The following LRRC42 variants were observed in gnomAD, a reference collection of about 807,000 sequenced individuals.
LRRC42 encodes the protein leucine rich repeat containing 42.
A neutral mutation model predicts 44.3 loss-of-function variants in LRRC42; 43 were observed. The observed-to-expected ratio is 0.97, with a 90% CI of 0.76 to 1.25. The LOEUF (loss-of-function observed/expected upper bound fraction) is 1.25. Ranked by LOEUF, LRRC42 falls within the 50% of genes most tolerant of loss-of-function variation. The probability of loss-of-function intolerance (pLI) is 0.00; values close to 1 mark genes in which losing one functional copy is unlikely to be tolerated. For synonymous variants in LRRC42, 207 were observed against 195.2 expected, an observed-to-expected ratio of 1.06 and a Z score of -0.50; for missense variants, 540 against 509.1, an observed-to-expected ratio of 1.06 and a Z score of -0.58.
chr1:53,966,715 A>G (rs1428634029), intron 8 of LRRC42, among the ~76,000 whole-genome samples: 2 of 152,188 alleles, frequency 1.3e-5, no homozygotes, highest in Non-Finnish European at 2.9e-5. Flanking sequence ...CCATCAACAG[A>G]TAAATGGATA....
intron 5 of LRRC42, 60 bp from the exon 6 acceptor site, chr1:53,961,973 TG>T: frequency 1.6e-6 from 2 of 1,273,656 alleles, no homozygotes; most frequent in South Asian, 2.5e-5. Context: ...AGCTTATTTT[TG>T]GTTGTCATTT....
At chr1:53,951,218 A>G (rs1401588259) in intron 2 of LRRC42, among the ~76,000 whole-genome samples, 1 of 152,260 alleles carries the variant, frequency 6.6e-6, no homozygotes, top group African/African-American at 2.4e-5. Flanking sequence ...TTAAAAATTC[A>G]TAATTTTAAT....
chr1:53,957,754 A>C (rs1038334698), intron 3 of LRRC42, among the ~76,000 whole-genome samples: 2 of 152,226 alleles, frequency 1.3e-5, no homozygotes, highest in African/African-American at 4.8e-5. Context: ...GATGTTGAGC[A>C]TTAGATTAAA....
rs754246096 is a variant in LRRC42 at position 53,960,445 on chromosome 1, T to C, written c.695T>C (p.Leu232Pro). 8 of 1,612,818 alleles carry C rather than the reference T, an allele frequency of 5.0e-6. No individual in the cohort carries two copies. Among genetic ancestry groups the C allele is most frequent in the Non-Finnish European group, 5.9e-6 (7 of 1,179,022 alleles). Reference sequence around the variant, plus strand: ...CCAGTTCGAGTGATGAAAAGAGGCCTTGAGAATCTAACATTATTAGACTTA... The same window carrying C: ...CCAGTTCGAGTGATGAAAAGAGGCCCTGAGAATCTAACATTATTAGACTTA... ...TAPVRVMKRG[L>P]ENLTLLDLSC... Residue 232 changes from leucine (L) to proline (P), a missense_variant, in exon 5 of 9, where the codon CTT becomes CCT. Leu to Pro is a moderately conservative substitution (Grantham distance 98). Transcript: ENST00000371370.
chr1:53,952,218 C>T lies in LRRC42; in HGVS notation c.219C>T (p.Ile73=). 1 of 1,614,246 alleles carries T rather than the reference C, an allele frequency of 6.2e-7. No individual in the cohort carries two copies. Among genetic ancestry groups the T allele is most frequent in the African/African-American group, 1.3e-5 (1 of 75,072 alleles). The change falls in exon 3 of 9, where the codon ATC becomes ATT. Residue 73 remains isoleucine, a synonymous_variant. Coordinates refer to ENST00000371370, the MANE Select transcript of LRRC42 (RefSeq NM_001256409.2). ...GGAAAGAGAAGACTGATCATTTCAT[C>T]TTCACATACACCCGAGAGGGGAATC... The part of the protein sequence containing the change: ...TARKEKTDHF[I]FTYTREGNLR...
rs1479544720 is a variant in LRRC42, at chr1:53,952,308, C to T, written c.309C>T (p.His103=). ...VLGFISDNVD[H]IDSLIGFPEQ... ...GTTTCATCTCCGACAATGTGGATCA[C>T]ATTGATTCCCTTATTGGCTTTCCTG... Residue 103 remains histidine, a synonymous_variant, in exon 3 of 9, where the codon CAC becomes CAT. Transcript: ENST00000371370. The T allele has an allele frequency of 1.9e-6, 3 of 1,614,118 alleles. No homozygotes were observed. Among genetic ancestry groups the T allele is most frequent in the Non-Finnish European group, 2.5e-6 (3 of 1,180,044 alleles).
chr1:53,958,155 C>G lies in LRRC42; in HGVS notation c.480C>G (p.Leu160=), dbSNP rs200868851. The G allele has an allele frequency of 2.5e-6, 4 of 1,613,634 alleles. No individual in the cohort carries two copies. The highest frequency in any genetic ancestry group is 3.3e-5 in the Admixed American group (2 of 59,990). Residue 160 remains leucine, a synonymous_variant, in exon 4 of 9, where the codon CTC becomes CTG. Transcript: ENST00000371370. ...LCSLCLRNRY[L]VISEKLEEIK... ...TGCTCTCCACGCTCCGTAGGTATCTCGTGATTTCAGAAAAGCTTGAGGAGA... is the reference window on the plus strand; with the variant it reads ...TGCTCTCCACGCTCCGTAGGTATCTGGTGATTTCAGAAAAGCTTGAGGAGA...
At chr1:53,962,758 T>A (rs1232113461) in intron 7 of LRRC42, among the ~76,000 whole-genome samples, 2 of 152,198 alleles carry the variant, frequency 1.3e-5, no homozygotes, top group African/African-American at 4.8e-5. Flanking sequence ...GTAGTGTGTA[T>A]ATACAGGAGA....
Position 53,960,384 on chromosome 1 carries a change from T to C in LRRC42, c.634T>C (p.Cys212Arg). The C allele has an allele frequency of 1.2e-6, 2 of 1,613,828 alleles. No homozygotes were observed. The highest frequency in any genetic ancestry group is 1.3e-5 in the African/African-American group (1 of 75,016). Reference protein sequence around the residue: ...SVTQLHLKDNCLSDAGVRKMT... With the variant: ...SVTQLHLKDNRLSDAGVRKMT... ...AACTCAGCTCCACCTGAAGGATAAT[T>C]GTTTATCTGATGCTGGGGTGCGGAA... The change falls in exon 5 of 9, where the codon TGT (cysteine) becomes CGT (arginine). Residue 212 changes from cysteine to arginine, a missense_variant. By Grantham distance (180) the Cys-to-Arg change is radical. Coordinates refer to ENST00000371370, the MANE Select transcript of LRRC42 (RefSeq NM_001256409.2).
chr1:53,967,803 C>T lies in LRRC42; in HGVS notation c.1151C>T (p.Ser384Leu). The T allele has an allele frequency of 1.9e-6, 3 of 1,614,174 alleles. No homozygotes were observed. The highest frequency in any genetic ancestry group is 1.7e-6 in the Non-Finnish European group (2 of 1,180,020). Residue 384 changes from serine to leucine, a missense_variant, in exon 9 of 9, where the codon TCA (serine) becomes TTA (leucine). By Grantham distance (145) the Ser-to-Leu change is moderately radical. Coordinates refer to ENST00000371370, the MANE Select transcript of LRRC42 (RefSeq NM_001256409.2). ...HGPVLKHEAI[S>L]SQESKKSKKR... is the part of the protein sequence containing the mutation. ...CCAGTGTTGAAACACGAAGCTATCTCAAGCCAGGAGTCAAAGAAGAGCAAG... is the reference window on the plus strand; with the variant it reads ...CCAGTGTTGAAACACGAAGCTATCTTAAGCCAGGAGTCAAAGAAGAGCAAG...
intron 5 of LRRC42, among the ~76,000 whole-genome samples, chr1:53,961,702 T>C (rs552534035): frequency 6.1e-4 from 93 of 152,336 alleles, no homozygotes; most frequent in Middle Eastern, 3.4e-3. Flanking sequence ...GAATAAAGTA[T>C]GATAAACCAT....
chr1:53,962,123 G>A lies in LRRC42; in HGVS notation c.813+1G>A, dbSNP rs757601427. ...AGATATCTCTGGGACAGGGCTCAAGGTAAGACTTTTGGTTCCTTCTCTCAT... is the reference window on the plus strand; with the variant it reads ...AGATATCTCTGGGACAGGGCTCAAGATAAGACTTTTGGTTCCTTCTCTCAT... On this transcript the variant is annotated splice_donor_variant, in intron 6 of 8. Transcript: ENST00000371370. LOFTEE classifies it high-confidence loss of function. 2 of 1,611,122 alleles carry A rather than the reference G, an allele frequency of 1.2e-6. No homozygotes were observed. The highest frequency in any genetic ancestry group is 1.7e-6 in the Non-Finnish European group (2 of 1,178,034).
At chr1:53,959,376 A>G (rs1368468524) in intron 4 of LRRC42, among the ~76,000 whole-genome samples, 1 of 152,206 alleles carries the variant, frequency 6.6e-6, no homozygotes, top group Non-Finnish European at 1.5e-5. Context: ...GCCAGCAAAG[A>G]GGAGGACAGA....
intron 7 of LRRC42, among the ~76,000 whole-genome samples, chr1:53,963,722 C>T (rs1265879881): frequency 6.6e-6 from 1 of 152,180 alleles, no homozygotes; most frequent in Non-Finnish European, 1.5e-5. Flanking sequence ...TGATTCCACT[C>T]ACCTGTCCTC....
At chr1:53,960,272 A>ATTTT (rs1248363238) in intron 4 of LRRC42, 84 bp from the exon 5 acceptor site, 7 of 910,938 alleles carry the variant, frequency 7.7e-6, no homozygotes, top group Non-Finnish European at 1.0e-5. Context: ...ATATTTTTAA[A>ATTTT]TGAAAATGTT....
At chr1:53,960,533 A>T (rs1255494834) in intron 5 of LRRC42, 59 bp downstream of exon 5, 9 of 1,216,814 alleles carry the variant, frequency 7.4e-6, no homozygotes. Context: ...CTTAGAGATC[A>T]TGTAGTTCTT....
chr1:53,955,254 G>C (rs1226058687), intron 3 of LRRC42, among the ~76,000 whole-genome samples: 1 of 152,028 alleles, frequency 6.6e-6, no homozygotes, highest in Non-Finnish European at 1.5e-5. Flanking sequence ...ATCAGAAAAT[G>C]TAAGAAACAT....
rs146430406 is a variant in LRRC42, at chr1:53,952,344, T to C, written c.345T>C (p.Ala115=). The change falls in exon 3 of 9, where the codon GCT becomes GCC. Residue 115 remains alanine (A), a synonymous_variant. Coordinates refer to ENST00000371370, the MANE Select transcript of LRRC42 (RefSeq NM_001256409.2). The part of the protein sequence containing the change: ...DSLIGFPEQI[A]EKLFSAAEAR... ...TTATTGGCTTTCCTGAGCAGATTGC[T>C]GAAAAGCTGTTCTCTGCTGCTGAAG... 1.2e-6 allele frequency: 2 copies of C among 1,614,200 alleles called. No individual in the cohort carries two copies. The highest frequency in any genetic ancestry group is 1.7e-6 in the Non-Finnish European group (2 of 1,179,984).
In LRRC42 at chr1:53,952,054, C is replaced by T. The variant is rs548977787; in HGVS notation, c.55C>T (p.Arg19Ter). 1.0e-4 allele frequency: 168 copies of T among 1,614,178 alleles called. 1 individual carries two copies. Among genetic ancestry groups the T allele is most frequent in the Non-Finnish European group, 1.3e-4 (156 of 1,180,022 alleles). The change falls in exon 3 of 9, where the codon CGA (arginine) becomes TGA (stop). Residue 19 changes from arginine (R) to a stop codon, truncating the protein, a stop_gained. Coordinates refer to ENST00000371370, the MANE Select transcript of LRRC42 (RefSeq NM_001256409.2). LOFTEE classifies it high-confidence loss of function. ...NHLDPGPIYM[R>*]ENGQLHMVNL... ...CCTGGACCCAGGGCCCATCTACATG[C>T]GAGAAAATGGGCAGCTGCACATGGT... is the stretch of plus-strand genomic sequence containing the variant.
Sources: gnomAD v4.1 joint callset for allele counts (sites outside exome capture counted in the v4.1 genomes callset) on GRCh38, gnomAD v4.1.1 for gene constraint, MANE v1.5 for transcripts, NCBI Gene and HGNC (gene_info 2026-07-23, HGNC 2026-07-21) for gene names.